The following FAT3 variants were observed in gnomAD, a reference collection of about 807,000 sequenced individuals.
FAT3 encodes FAT atypical cadherin 3, also known as protocadherin Fat 3.
A neutral mutation model predicts 310.2 loss-of-function variants in FAT3; 95 were observed. That is an observed-to-expected ratio of 0.31 (90% CI 0.26 to 0.36). The LOEUF is 0.36. Ranked by LOEUF, FAT3 falls within the 10% of genes least tolerant of loss-of-function variation. The pLI is 1.00. For synonymous variants in FAT3, 2,314 were observed against 2,192.9 expected, an observed-to-expected ratio of 1.06 and a Z score of -1.54; for missense variants, 5,408 against 5,715.6, an observed-to-expected ratio of 0.95 and a Z score of 1.74.
chr11:92,259,644 T>G (rs191892915), intron 1 of FAT3, among the ~76,000 whole-genome samples: 1 of 152,278 alleles, frequency 6.6e-6, no homozygotes, highest in East Asian at 1.9e-4. Context: ...GTGTTTGTGC[T>G]CAGAACTTAG....
chr11:92,558,418 G>GTGTGTGTGTGTGTC (rs1165417339), intron 3 of FAT3, among the ~76,000 whole-genome samples: 1 of 152,002 alleles, frequency 6.6e-6, no homozygotes, highest in African/African-American at 2.4e-5. Flanking sequence ...GTGTGTGTGT[G>GTGTGTGTGTGTGTC]TGTGTATGCA....
Position 92,392,548 on chromosome 11 carries a change from A to G in FAT3, c.3292+37144A>G, listed in dbSNP as rs531874329. 1.2e-4 allele frequency among the ~76,000 whole-genome samples: 18 copies of G among 152,062 alleles called. No individual in the cohort carries two copies. In the South Asian group the frequency reaches 1.7e-3, roughly 14 times the overall value. On this transcript the variant is annotated intron_variant, in intron 2 of 27. Coordinates refer to ENST00000525166, the MANE Select transcript of FAT3 (RefSeq NM_001367949.2). ...CTCTACCCCTCCCCACAAATCCCCA[A>G]TCTATACTAAATGCTGCTCCCTTGA...
At chr11:92,235,216 C>T (rs1278552350) in intron 1 of FAT3, among the ~76,000 whole-genome samples, 5 of 152,206 alleles carry the variant, frequency 3.3e-5, no homozygotes, top group Non-Finnish European at 4.4e-5. Flanking sequence ...CTCAGGGCCT[C>T]TTGTCTTCTG....
intron 4 of FAT3, among the ~76,000 whole-genome samples, chr11:92,747,900 T>C (rs1478143883): frequency 6.6e-6 from 1 of 152,214 alleles, no homozygotes; most frequent in African/African-American, 2.4e-5. Context: ...GTCAAACCCA[T>C]TCAGCAAGTC....
rs555173582 is a variant in FAT3 at position 92,522,978 on chromosome 11, G to C, written c.3293-1656G>C. The stretch of plus-strand genomic sequence containing the variant: ...TGGCCTTCCCCTCTTGGAAAAGAGA[G>C]CACCTTCGGCACACACTGGACAACA... On this transcript the variant is annotated intron_variant, in intron 2 of 27. Transcript: ENST00000525166. 5.9e-5 allele frequency among the ~76,000 whole-genome samples: 9 copies of C among 152,230 alleles called. No individual in the cohort carries two copies. The South Asian group carries it at 1.5e-3, about 25-fold the overall frequency.
chr11:92,563,550 G>A (rs1037125951), intron 3 of FAT3, among the ~76,000 whole-genome samples: 1 of 152,030 alleles, frequency 6.6e-6, no homozygotes, highest in African/African-American at 2.4e-5. Flanking sequence ...ATGAGGATAG[G>A]CTCATGATAA....
chr11:92,354,582 G>T lies in FAT3; in HGVS notation c.2470G>T (p.Ala824Ser), dbSNP rs766979333. The T allele has an allele frequency of 3.1e-6, 5 of 1,613,724 alleles. No individual in the cohort carries two copies. The highest frequency in any genetic ancestry group is 2.2e-5 in the South Asian group (2 of 91,082). ...ACTGCTGACCATCAATGTGGAGGAT[G>T]CTAATGACAATAGCCCAGTTTTTAT... The part of the protein sequence containing the change: ...WRLLTINVED[A>S]NDNSPVFIQD... The change falls in exon 2 of 28, where the codon GCT (alanine) becomes TCT (serine). Residue 824 changes from alanine (A) to serine (S), a missense_variant. Physicochemically the swap from Ala to Ser is moderately conservative, Grantham distance 99 (BLOSUM62 1). Around this residue, in one of 5 missense-constraint regions of FAT3, gnomAD observed 4,588 missense variants for 4,809.8 expected, o/e 0.95. Transcript: ENST00000525166.
At chr11:92,256,566 C>T (rs1262189462) in intron 1 of FAT3, among the ~76,000 whole-genome samples, 1 of 151,980 alleles carries the variant, frequency 6.6e-6, no homozygotes, top group Non-Finnish European at 1.5e-5. Context: ...AAAAGAAAAT[C>T]CATGTATCAT....
intron 2 of FAT3, among the ~76,000 whole-genome samples, chr11:92,419,345 A>G (rs1249313772): frequency 1.3e-5 from 2 of 152,162 alleles, no homozygotes; most frequent in Non-Finnish European, 2.9e-5. Flanking sequence ...GGACTTCCAC[A>G]TTTCTAAATA....
At chr11:92,656,330 A>G (rs1054000556) in intron 3 of FAT3, among the ~76,000 whole-genome samples, 3 of 152,220 alleles carry the variant, frequency 2.0e-5, no homozygotes, top group African/African-American at 7.2e-5. Context: ...AATCTACCAT[A>G]GTGCTGATCT....
intron 1 of FAT3, among the ~76,000 whole-genome samples, chr11:92,245,042 A>G (rs531773747): frequency 3.3e-5 from 5 of 152,056 alleles, no homozygotes; most frequent in Non-Finnish European, 7.4e-5. Context: ...ACATGCACAC[A>G]TGTGTTATTG....
intron 1 of FAT3, among the ~76,000 whole-genome samples, chr11:92,302,491 A>G: frequency 6.6e-6 from 1 of 151,454 alleles, no homozygotes; most frequent in East Asian, 1.9e-4. Context: ...CAGCCTTGGC[A>G]CCATTTATTT....
At chr11:92,676,509 A>T (rs1294559429) in intron 3 of FAT3, among the ~76,000 whole-genome samples, 2 of 152,188 alleles carry the variant, frequency 1.3e-5, no homozygotes, top group Non-Finnish European at 2.9e-5. Flanking sequence ...CAGGTCTTAT[A>T]TCCAAAGGGC....
At chr11:92,334,551 G>GT (rs148723383) in intron 1 of FAT3, among the ~76,000 whole-genome samples, 9,987 of 148,764 alleles carry the variant, frequency 0.067, 1,083 homozygotes, top group African/African-American at 0.22. Flanking sequence ...ATTGCCTAGG[G>GT]TTTTTTTTTT....
At chr11:92,813,038 A>T (rs1456825716) in intron 13 of FAT3, among the ~76,000 whole-genome samples, 1 of 152,138 alleles carries the variant, frequency 6.6e-6, no homozygotes, top group African/African-American at 2.4e-5. Context: ...CCTTTCTGCC[A>T]TCATGTGAAA....
intron 3 of FAT3, among the ~76,000 whole-genome samples, chr11:92,605,727 T>TTTG (rs1317371167): frequency 1.3e-5 from 2 of 148,890 alleles, no homozygotes; most frequent in Non-Finnish European, 3.0e-5. Flanking sequence ...ATGTTTTTTT[T>TTTG]TTTTTTTTTT....
At chr11:92,397,041 T>C (rs1033655080) in intron 2 of FAT3, among the ~76,000 whole-genome samples, 2 of 152,140 alleles carry the variant, frequency 1.3e-5, no homozygotes, top group African/African-American at 2.4e-5. Flanking sequence ...CACACCTTTA[T>C]AAATAAATGA....
intron 3 of FAT3, among the ~76,000 whole-genome samples, chr11:92,602,397 C>G (rs2135592074): frequency 6.6e-6 from 1 of 152,360 alleles, no homozygotes; most frequent in South Asian, 2.1e-4. Context: ...GCCACATCAC[C>G]TGGCCTACCT....
At chr11:92,725,479 G>A (rs1356154802) in intron 4 of FAT3, among the ~76,000 whole-genome samples, 3 of 151,898 alleles carry the variant, frequency 2.0e-5, no homozygotes, top group Non-Finnish European at 2.9e-5. Context: ...CTAGGCATCC[G>A]CTTTCTATAA....
Sources: allele counts gnomAD v4.1 joint callset (sites outside exome capture counted in the v4.1 genomes callset), GRCh38; gene constraint gnomAD v4.1.1; regional missense constraint gnomAD v4.1.1; transcripts MANE v1.5; gene names NCBI Gene and HGNC (gene_info 2026-07-23, HGNC 2026-07-21).